The following TMC5 variants were observed in gnomAD, a reference collection of about 807,000 sequenced individuals.
TMC5 encodes transmembrane channel-like protein 5.
In TMC5, 86 loss-of-function variants were observed where a neutral mutation model predicts 110.5. The ratio of observed to expected loss-of-function variants is 0.78; its 90% CI spans 0.65 to 0.93. The LOEUF (loss-of-function observed/expected upper bound fraction) is 0.93, where lower values mean the gene tolerates loss of function less well. TMC5 is among the 40% of genes least tolerant of loss of function. The probability of loss-of-function intolerance (pLI) is 0.00; values close to 1 mark genes in which losing one functional copy is unlikely to be tolerated. For synonymous variants in TMC5, 455 were observed against 439.5 expected (o/e 1.04, Z -0.44); for missense variants, 1,144 against 1,222.8 (o/e 0.94, Z 0.96).
At position 19,466,072 on chromosome 16, in the gene TMC5, T is replaced by C. The variant is rs1968180950; in HGVS notation, c.1486-10T>C. ...GATCCACCTGACCTATGGTTTATTGTACCTTTCAGGGTTATTTTAGGGACA... is the reference window on the plus strand; with the variant it reads ...GATCCACCTGACCTATGGTTTATTGCACCTTTCAGGGTTATTTTAGGGACA... On this transcript the variant is annotated splice_polypyrimidine_tract_variant and intron_variant, in intron 8 of 21. Transcript: ENST00000542583. 1 of 1,613,620 alleles carries C rather than the reference T, an allele frequency of 6.2e-7. No homozygotes were observed. Among genetic ancestry groups the C allele is most frequent in the South Asian group, 1.1e-5 (1 of 91,010 alleles).
upstream of TMC5, among the ~76,000 whole-genome samples, chr16:19,415,151 T>A (rs934584341): frequency 6.6e-6 from 1 of 152,236 alleles, no homozygotes; most frequent in Non-Finnish European, 1.5e-5. Context: ...ACAAGAAACG[T>A]ATAATTACAG....
At chr16:19,487,370 A>C (rs547823447) in intron 17 of TMC5, 44 bp downstream of exon 17, 1 of 1,590,870 alleles carries the variant, frequency 6.3e-7, no homozygotes, top group South Asian at 1.1e-5. Context: ...GACTGGGTGG[A>C]TGGGTGTGTG....
chr16:19,437,002 C>A (rs1177412341), intron 2 of TMC5, among the ~76,000 whole-genome samples: 1 of 152,004 alleles, frequency 6.6e-6, no homozygotes, highest in East Asian at 1.9e-4. Flanking sequence ...ATAGAGAAAC[C>A]CTGTCTCTAT....
At chr16:19,479,753 C>A (rs1968571155) in intron 14 of TMC5, among the ~76,000 whole-genome samples, 1 of 152,088 alleles carries the variant, frequency 6.6e-6, no homozygotes, top group Non-Finnish European at 1.5e-5. Context: ...CTTTTACAAC[C>A]TTTTGAAAAC....
At chr16:19,441,795 T>C (rs1163370798) in intron 3 of TMC5, among the ~76,000 whole-genome samples, 1 of 152,174 alleles carries the variant, frequency 6.6e-6, no homozygotes, top group African/African-American at 2.4e-5. Context: ...TTTTTATTTA[T>C]TTATTCATTC....
intron 4 of TMC5, among the ~76,000 whole-genome samples, chr16:19,447,418 T>C (rs2143500158): frequency 6.6e-6 from 1 of 152,152 alleles, no homozygotes; most frequent in South Asian, 2.1e-4. Flanking sequence ...TCAATGGAGG[T>C]AGTCAAGGTA....
chr16:19,449,090 A>C (rs891158905), intron 4 of TMC5, among the ~76,000 whole-genome samples: 1 of 151,808 alleles, frequency 6.6e-6, no homozygotes, highest in Non-Finnish European at 1.5e-5. Context: ...TGACCTCGTG[A>C]TCCACCTGTC....
chr16:19,454,316 G>T (rs994520450), intron 5 of TMC5, among the ~76,000 whole-genome samples: 1 of 152,166 alleles, frequency 6.6e-6, no homozygotes, highest in Non-Finnish European at 1.5e-5. Context: ...AAAGTGCTGT[G>T]ATTAGAGGCA....
At chr16:19,443,093 C>A (rs1967527220) in intron 3 of TMC5, among the ~76,000 whole-genome samples, 1 of 152,178 alleles carries the variant, frequency 6.6e-6, no homozygotes, top group African/African-American at 2.4e-5. Context: ...CTGTCTGCCC[C>A]CTGCCTTGAC....
In TMC5 at chr16:19,452,450, C is replaced by A. The variant is rs1967771020; in HGVS notation, c.1048+2819C>A. Among the ~76,000 whole-genome samples the A allele has an allele frequency of 2.0e-5, 3 of 152,166 alleles. No homozygotes were observed. The South Asian group carries it at 6.2e-4, about 32-fold the overall frequency. On this transcript the variant is annotated intron_variant, in intron 5 of 21. Coordinates refer to ENST00000542583, the MANE Select transcript of TMC5 (RefSeq NM_001261841.2). Reference sequence around the variant, plus strand: ...GAGACTGGATGGCCGGGCATGGTGGCTCTCACCTGCAATCCCAGCACTTTG... The same window carrying A: ...GAGACTGGATGGCCGGGCATGGTGGATCTCACCTGCAATCCCAGCACTTTG...
chr16:19,466,103 A>G lies in TMC5; in HGVS notation c.1507A>G (p.Met503Val), dbSNP rs1336675084. Residue 503 changes from methionine (M) to valine (V), a missense_variant, in exon 9 of 22, where the codon ATG (methionine) becomes GTG (valine). By Grantham distance (21) the Met-to-Val change is conservative (BLOSUM62 1). Coordinates refer to ENST00000542583, the MANE Select transcript of TMC5 (RefSeq NM_001261841.2). ...TGVGYFRDTV[M>V]YYGFYTNSTI... ...TCAGGGTTATTTTAGGGACACAGTG[A>G]TGTACTATGGCTTTTACACCAATTC... is the stretch of plus-strand genomic sequence containing the variant. 2.5e-6 allele frequency: 4 copies of G among 1,613,920 alleles called. No homozygotes were observed. The East Asian group carries it at 8.9e-5, about 36-fold the overall frequency.
At chr16:19,484,082 C>CAAA (rs758360425) in intron 15 of TMC5, among the ~76,000 whole-genome samples, 1 of 70,798 alleles carries the variant, frequency 1.4e-5, no homozygotes, top group Non-Finnish European at 3.2e-5. Flanking sequence ...AACTCTGTCT[C>CAAA]AAAAAAAAAA....
chr16:19,450,304 A>G (rs556031253), intron 5 of TMC5, among the ~76,000 whole-genome samples: 13 of 152,176 alleles, frequency 8.5e-5, no homozygotes, highest in Non-Finnish European at 1.8e-4. Context: ...AAAGAAATGA[A>G]AGTAGAAGTA....
Position 19,463,317 on chromosome 16 carries a change from C to A in TMC5, c.1186C>A (p.Arg396Ser). 1 of 1,614,038 alleles carries A rather than the reference C, an allele frequency of 6.2e-7. No individual in the cohort carries two copies. Among genetic ancestry groups the A allele is most frequent in the Non-Finnish European group, 8.5e-7 (1 of 1,179,938 alleles). The change falls in exon 7 of 22, where the codon CGT becomes AGT. Residue 396 changes from arginine (R) to serine (S), a missense_variant. Arg to Ser is a moderately radical substitution (Grantham distance 110). Coordinates refer to ENST00000542583, the MANE Select transcript of TMC5 (RefSeq NM_001261841.2). ...VDKEKSKQTH[R>S]ILQLNCCIQC... is the part of the protein sequence containing the mutation. ...CAAAGAAAAAAGCAAACAGACCCAT[C>A]GTATCCTTCAGCTCAATTGCTGTAT...
chr16:19,474,008 ATAGT>A, intron 11 of TMC5, 113 bp from the exon 12 acceptor site: 1 of 957,624 alleles, frequency 1.0e-6, no homozygotes, highest in Admixed American at 2.6e-5. Context: ...AAATAGATAA[ATAGT>A]TAACCGCAGA....
intron 18 of TMC5, among the ~76,000 whole-genome samples, chr16:19,491,756 C>T (rs111613062): frequency 5.9e-5 from 9 of 152,170 alleles, no homozygotes; most frequent in African/African-American, 1.7e-4. Flanking sequence ...AGGATGATCT[C>T]GATCTCCTGA....
At chr16:19,456,637 G>C (rs189794008) in intron 5 of TMC5, 218 of 1,547,038 alleles carry the variant, frequency 1.4e-4, no homozygotes, top group Non-Finnish European at 1.7e-4. Flanking sequence ...CAATCAATGC[G>C]GGTGTGACTG....
chr16:19,484,160 A>C (rs887144338), intron 15 of TMC5, among the ~76,000 whole-genome samples: 4 of 152,146 alleles, frequency 2.6e-5, no homozygotes, highest in African/African-American at 9.7e-5. Context: ...AACGCTTTGC[A>C]AACACCAATA....
chr16:19,440,838 T>C lies in TMC5; in HGVS notation c.788+12T>C, dbSNP rs747284783. 1.6e-5 allele frequency: 26 copies of C among 1,603,010 alleles called. No individual in the cohort carries two copies. The highest frequency in any genetic ancestry group is 2.2e-5 in the Non-Finnish European group (26 of 1,174,326). On this transcript the variant is annotated intron_variant, in intron 3 of 21. Coordinates refer to ENST00000542583, the MANE Select transcript of TMC5 (RefSeq NM_001261841.2). ...AAGATGACCAGGGGGTAAGTTCAGA[T>C]ATATATCCCTTCACTGGGAGTGGAT...
Sources: allele counts gnomAD v4.1 joint callset (sites outside exome capture counted in the v4.1 genomes callset), GRCh38; gene constraint gnomAD v4.1.1; transcripts MANE v1.5; gene names NCBI Gene and HGNC (gene_info 2026-07-23, HGNC 2026-07-21).